The following LIPA variants were observed in gnomAD, a reference collection of about 807,000 sequenced individuals.
LIPA encodes lysosomal acid lipase/cholesteryl ester hydrolase.
A neutral mutation model predicts 40.6 loss-of-function variants in LIPA; 26 were observed. The observed-to-expected ratio is 0.64, with a 90% CI of 0.47 to 0.89. LIPA has a LOEUF of 0.89. Ranked by LOEUF, LIPA falls within the 40% of genes least tolerant of loss-of-function variation. The pLI, the probability that LIPA is intolerant of heterozygous loss-of-function variation, is 0.00. For missense variants in LIPA, 455 were observed against 479.6 expected (o/e 0.95, Z 0.48); for synonymous variants, 188 against 168.4 (o/e 1.12, Z -0.90).
chr10:89,306,604 T>A, intron 1 of LIPA: 1 of 1,614,088 alleles, frequency 6.2e-7, no homozygotes, highest in Non-Finnish European at 8.5e-7. Context: ...TCCTCCTGGC[T>A]CTGAAGCTTC....
intron 2 of LIPA, chr10:89,393,105 A>C: frequency 7.7e-7 from 1 of 1,292,788 alleles, no homozygotes; most frequent in Non-Finnish European, 1.0e-6. Context: ...TGCTTTCTGC[A>C]GGTTCTTTAC....
intron 1 of LIPA, among the ~76,000 whole-genome samples, chr10:89,298,629 T>C (rs1843428756): frequency 6.6e-6 from 1 of 152,124 alleles, no homozygotes; most frequent in African/African-American, 2.4e-5. Flanking sequence ...GGAAATATGA[T>C]ACCTTCAAAG....
At chr10:89,389,971 C>CTTTCTTTT (rs1844233951) in intron 2 of LIPA, among the ~76,000 whole-genome samples, 1 of 118,678 alleles carries the variant, frequency 8.4e-6, no homozygotes, top group African/African-American at 3.2e-5. Context: ...CTGAAGATTT[C>CTTTCTTTT]TTTCTTTTTT....
intron 2 of LIPA, among the ~76,000 whole-genome samples, chr10:89,410,968 A>C (rs1001545049): frequency 6.6e-6 from 1 of 152,226 alleles, no homozygotes; most frequent in Non-Finnish European, 1.5e-5. Flanking sequence ...AAAGAGAGAG[A>C]TAGAAGTAGT....
upstream of LIPA, among the ~76,000 whole-genome samples, chr10:89,344,008 C>T (rs942348767): frequency 7.9e-5 from 12 of 152,192 alleles, no homozygotes; most frequent in African/African-American, 2.9e-4. Flanking sequence ...CTCACCTCCA[C>T]CACTTAGTAT....
At chr10:89,390,977 C>T (rs1396719657) in intron 2 of LIPA, among the ~76,000 whole-genome samples, 1 of 152,154 alleles carries the variant, frequency 6.6e-6, no homozygotes, top group African/African-American at 2.4e-5. Context: ...TTCAGAAATT[C>T]TTATTTGTGT....
chr10:89,408,849 C>G (rs998840150), intron 2 of LIPA, among the ~76,000 whole-genome samples: 1 of 152,170 alleles, frequency 6.6e-6, no homozygotes, highest in African/African-American at 2.4e-5. Context: ...AGAATGACAG[C>G]CCAAGAAAGG....
chr10:89,230,846 A>G (rs546892555), intron 3 of LIPA, among the ~76,000 whole-genome samples: 1 of 152,362 alleles, frequency 6.6e-6, no homozygotes, highest in South Asian at 2.1e-4. Context: ...TAAGTTGCTT[A>G]ACCAGTCTGC....
At chr10:89,288,868 A>G (rs1032884896) in intron 1 of LIPA, among the ~76,000 whole-genome samples, 3 of 152,206 alleles carry the variant, frequency 2.0e-5, no homozygotes, top group African/African-American at 7.2e-5. Context: ...CTGCACCACC[A>G]TGCTGTTACA....
Position 89,225,086 on chromosome 10 carries a change from A to G in LIPA, c.675+6T>C. ...GAGAGGAGAGGGATGGGAGGGGTCCAAGTACCTTAATGAGATGATCTGGTA... is the reference window on the plus strand; with the variant it reads ...GAGAGGAGAGGGATGGGAGGGGTCCGAGTACCTTAATGAGATGATCTGGTA... On this transcript the variant is annotated splice_donor_region_variant and intron_variant, in intron 6 of 9. Coordinates refer to ENST00000336233, the MANE Select transcript of LIPA (RefSeq NM_000235.4). The G allele has an allele frequency of 2.5e-6, 4 of 1,613,874 alleles. No individual in the cohort carries two copies. Among genetic ancestry groups the G allele is most frequent in the Non-Finnish European group, 3.4e-6 (4 of 1,180,008 alleles).
intron 2 of LIPA, among the ~76,000 whole-genome samples, chr10:89,364,999 C>G (rs972842956): frequency 6.6e-6 from 1 of 152,156 alleles, no homozygotes; most frequent in African/African-American, 2.4e-5. Flanking sequence ...AGACACACAT[C>G]AAGGAAGCAT....
chr10:89,251,166 C>CA (rs1843113998), intron 1 of LIPA, among the ~76,000 whole-genome samples: 1 of 152,230 alleles, frequency 6.6e-6, no homozygotes, highest in Non-Finnish European at 1.5e-5. Flanking sequence ...GATCTACTGT[C>CA]AATTACTCCT....
chr10:89,338,945 G>C (rs1843796417), intron 1 of LIPA: 3 of 1,614,118 alleles, frequency 1.9e-6, no homozygotes, highest in Non-Finnish European at 2.5e-6. Context: ...CTAGTCACTT[G>C]GGGAAACTAC....
At chr10:89,407,048 C>T (rs771903823) in intron 2 of LIPA, among the ~76,000 whole-genome samples, 1 of 152,140 alleles carries the variant, frequency 6.6e-6, no homozygotes, top group East Asian at 1.9e-4. Context: ...TCTAACAACC[C>T]CCAACTCTTT....
chr10:89,371,588 C>A (rs769009540), intron 2 of LIPA, among the ~76,000 whole-genome samples: 1 of 152,138 alleles, frequency 6.6e-6, no homozygotes, highest in Non-Finnish European at 1.5e-5. Flanking sequence ...GCATCTCCAT[C>A]GTTTTACCAA....
intron 2 of LIPA, among the ~76,000 whole-genome samples, chr10:89,349,771 C>G (rs1435526063): frequency 2.6e-5 from 4 of 152,182 alleles, no homozygotes; most frequent in Non-Finnish European, 5.9e-5. Context: ...CAATTAGCCT[C>G]TGTATCATGA....
chr10:89,272,874 G>T (rs1336502468), intron 1 of LIPA, among the ~76,000 whole-genome samples: 1 of 152,194 alleles, frequency 6.6e-6, no homozygotes, highest in Non-Finnish European at 1.5e-5. Flanking sequence ...TCACTTGATT[G>T]TTGTCTGCAT....
chr10:89,306,274 C>T (rs1564781538), intron 1 of LIPA: 1 of 1,614,144 alleles, frequency 6.2e-7, no homozygotes, highest in African/African-American at 1.3e-5. Context: ...TCTACTATCA[C>T]ATGGGCCGAC....
At chr10:89,225,914 T>C (rs1842763583) in intron 5 of LIPA, among the ~76,000 whole-genome samples, 1 of 152,182 alleles carries the variant, frequency 6.6e-6, no homozygotes, top group South Asian at 2.1e-4. Context: ...TCTGCCACCA[T>C]GTAAGATGTT....
Sources: gnomAD v4.1 joint callset for allele counts (sites outside exome capture counted in the v4.1 genomes callset) on GRCh38, gnomAD v4.1.1 for gene constraint, MANE v1.5 for transcripts, NCBI Gene and HGNC (gene_info 2026-07-23, HGNC 2026-07-21) for gene names.